PTPRG: variants seen among roughly 807,000 people sequenced by gnomAD.
PTPRG encodes the protein receptor-type tyrosine-protein phosphatase gamma.
In PTPRG, 102 loss-of-function variants were observed where a neutral mutation model predicts 165.3. The observed-to-expected ratio is 0.62, with a 90% CI of 0.53 to 0.73. The LOEUF is 0.73. Among genes scored for constraint, PTPRG ranks in the 30% least tolerant of loss-of-function variants. PTPRG has a pLI of 0.00. For synonymous variants in PTPRG, 675 were observed against 669.5 expected (o/e 1.01, Z -0.13); for missense variants, 1,866 against 1,861.4 (o/e 1.00, Z -0.05).
chr3:61,909,997 T>C (rs2038759950), intron 2 of PTPRG, among the ~76,000 whole-genome samples: 1 of 152,220 alleles, frequency 6.6e-6, no homozygotes, highest in Admixed American at 6.5e-5. Context: ...TGTTTTGCTT[T>C]ACTTCATTTT....
At chr3:62,021,533 T>G (rs2041691109) in intron 4 of PTPRG, among the ~76,000 whole-genome samples, 2 of 152,208 alleles carry the variant, frequency 1.3e-5, no homozygotes, top group Admixed American at 1.3e-4. Flanking sequence ...ATACATTGTC[T>G]CGGCCTTCAT....
At chr3:61,836,383 G>A (rs2036462529) in intron 2 of PTPRG, among the ~76,000 whole-genome samples, 1 of 152,168 alleles carries the variant, frequency 6.6e-6, no homozygotes, top group South Asian at 2.1e-4. Context: ...GCAGTTTAAA[G>A]TTGTAACATT....
chr3:61,754,937 G>C (rs1207830071), intron 2 of PTPRG, among the ~76,000 whole-genome samples: 9 of 151,920 alleles, frequency 5.9e-5, no homozygotes, highest in Admixed American at 5.3e-4. Context: ...AATCTCTTAA[G>C]GGAATCATTT....
chr3:61,620,152 C>T (rs1005076717), intron 1 of PTPRG, among the ~76,000 whole-genome samples: 4 of 151,848 alleles, frequency 2.6e-5, no homozygotes, highest in Non-Finnish European at 4.4e-5. Context: ...CCCTGCCCTA[C>T]GTGACTGGAC....
intron 2 of PTPRG, among the ~76,000 whole-genome samples, chr3:61,938,741 G>A (rs1168348972): frequency 6.6e-6 from 1 of 152,056 alleles, no homozygotes; most frequent in African/African-American, 2.4e-5. Flanking sequence ...GAGTCTAAAT[G>A]GAAAATGAAA....
At chr3:61,990,952 A>T (rs142587411) in intron 3 of PTPRG, among the ~76,000 whole-genome samples, 188 of 143,020 alleles carry the variant, frequency 1.3e-3, no homozygotes, top group Non-Finnish European at 2.5e-3. Flanking sequence ...AGCTTTAGGG[A>T]TCCATTTTCT....
chr3:61,772,424 AT>A (rs1239621247), intron 2 of PTPRG, among the ~76,000 whole-genome samples: 1 of 151,988 alleles, frequency 6.6e-6, no homozygotes, highest in Non-Finnish European at 1.5e-5. Flanking sequence ...TATCATTAAT[AT>A]TTTTATATTT....
At chr3:61,869,224 G>A (rs555096844) in intron 2 of PTPRG, among the ~76,000 whole-genome samples, 1 of 152,300 alleles carries the variant, frequency 6.6e-6, no homozygotes, top group Non-Finnish European at 1.5e-5. Context: ...CAACTTCTCT[G>A]AAGCATTTCC....
At chr3:61,579,836 A>G (rs1380254515) in intron 1 of PTPRG, among the ~76,000 whole-genome samples, 2 of 152,228 alleles carry the variant, frequency 1.3e-5, no homozygotes, top group Non-Finnish European at 2.9e-5. Context: ...CACTGTAGGG[A>G]TACATGGAGT....
At chr3:61,892,929 T>C (rs904350445) in intron 2 of PTPRG, among the ~76,000 whole-genome samples, 1 of 152,146 alleles carries the variant, frequency 6.6e-6, no homozygotes, top group African/African-American at 2.4e-5. Flanking sequence ...AAGACCATCT[T>C]AAGGGGTTAG....
chr3:62,053,104 AT>A (rs932764666), intron 4 of PTPRG, among the ~76,000 whole-genome samples: 6 of 149,920 alleles, frequency 4.0e-5, no homozygotes, highest in South Asian at 2.1e-4. Context: ...TCTGGCTTTG[AT>A]TTTTTTTTTC....
intron 2 of PTPRG, among the ~76,000 whole-genome samples, chr3:61,937,161 T>G (rs1338059311): frequency 6.6e-6 from 1 of 152,210 alleles, no homozygotes; most frequent in Non-Finnish European, 1.5e-5. Flanking sequence ...AAGTCTTTCC[T>G]TGAAAGATGC....
chr3:61,581,127 T>C (rs1298653374), intron 1 of PTPRG, among the ~76,000 whole-genome samples: 1 of 152,184 alleles, frequency 6.6e-6, no homozygotes, highest in African/African-American at 2.4e-5. Flanking sequence ...AGGGATGAAT[T>C]TTAAACTTCT....
Position 62,203,398 on chromosome 3 carries a change from C to G in PTPRG, c.1603C>G (p.Pro535Ala), listed in dbSNP as rs577368934. 2.5e-6 allele frequency: 4 copies of G among 1,613,342 alleles called. No homozygotes were observed. In the African/African-American group the frequency reaches 4.0e-5, roughly 16 times the overall value. Reference sequence around the variant, plus strand: ...CTCCTCTTTCCCCAGCACTGTGTGGCCCACGCGCCTCCCGACGGCCGCCTC... The same window carrying G: ...CTCCTCTTTCCCCAGCACTGTGTGGGCCACGCGCCTCCCGACGGCCGCCTC... ...GISSFPSTVW[P>A]TRLPTAASAS... The change falls in exon 12 of 30, where the codon CCC becomes GCC. Residue 535 changes from proline to alanine, a missense_variant. Pro to Ala is a conservative substitution (Grantham distance 27, BLOSUM62 -1). Around this residue, in one of 3 missense-constraint regions of PTPRG, gnomAD observed 1,452 missense variants for 1,463.0 expected, o/e 0.99. Transcript: ENST00000474889. The surrounding 1 kb of genome is among the most constrained non-coding windows in gnomAD (Gnocchi z 6.4).
intron 16 of PTPRG, among the ~76,000 whole-genome samples, chr3:62,257,680 C>G (rs1701570785): frequency 6.6e-6 from 1 of 152,172 alleles, no homozygotes; most frequent in South Asian, 2.1e-4. Context: ...CTGGGCCAGG[C>G]ACAGTGGCTC....
Position 62,240,650 on chromosome 3 carries a change from C to T in PTPRG, c.2376-3157C>T, listed in dbSNP as rs1701138811. On this transcript the variant is annotated intron_variant, in intron 14 of 29. Transcript: ENST00000474889. This position sits in a 1 kb window ranked among gnomAD's most constrained non-coding sequence, Gnocchi z 5.1. ...ACCTCTCCAACCTTGCTTTCCACAG[C>T]CTTTCCCTTGCCTCTGGCTTCCTTC... 6.6e-6 allele frequency among the ~76,000 whole-genome samples: 1 copy of T among 152,180 alleles called. No individual in the cohort carries two copies. The highest frequency in any genetic ancestry group is 6.5e-5 in the Admixed American group (1 of 15,278).
At chr3:61,595,755 T>C (rs1700686176) in intron 1 of PTPRG, among the ~76,000 whole-genome samples, 1 of 152,228 alleles carries the variant, frequency 6.6e-6, no homozygotes, top group Non-Finnish European at 1.5e-5. Flanking sequence ...GGTAACTGAT[T>C]CATATAGTAG....
At chr3:61,758,678 C>A (rs542792006) in intron 2 of PTPRG, among the ~76,000 whole-genome samples, 1 of 152,186 alleles carries the variant, frequency 6.6e-6, no homozygotes, top group South Asian at 2.1e-4. Flanking sequence ...GTCTCGAACT[C>A]CCGACCTCAG....
chr3:61,888,248 T>C (rs932384208), intron 2 of PTPRG, among the ~76,000 whole-genome samples: 10 of 152,112 alleles, frequency 6.6e-5, no homozygotes, highest in Non-Finnish European at 1.3e-4. Context: ...TGTGTATTTA[T>C]TAGTGAAGTT....
Sources: gnomAD v4.1 joint callset for allele counts (sites outside exome capture counted in the v4.1 genomes callset) on GRCh38, gnomAD v4.1.1 for gene constraint, gnomAD v4.1.1 regional missense constraint, Gnocchi (gnomAD v3.1) non-coding constraint, MANE v1.5 for transcripts, NCBI Gene and HGNC (gene_info 2026-07-23, HGNC 2026-07-21) for gene names.